Variants in ARHGAP8 observed in about 807,000 individuals in gnomAD.
ARHGAP8 encodes Rho GTPase activating protein 8, also known as rho GTPase-activating protein 8.
Under a neutral mutation model 46.1 loss-of-function variants are expected in ARHGAP8, and 62 were observed. The ratio of observed to expected loss-of-function variants is 1.34; its 90% CI spans 1.10 to 1.66. The LOEUF (loss-of-function observed/expected upper bound fraction) is 1.66, where lower values mean the gene tolerates loss of function less well. Ranked by LOEUF, ARHGAP8 falls within the 40% of genes most tolerant of loss-of-function variation. The pLI is 0.00. For missense variants in ARHGAP8, 923 were observed against 568.4 expected (o/e 1.62, Z -6.34); for synonymous variants, 375 against 243.1 (o/e 1.54, Z -5.05).
At position 44,847,965 on chromosome 22, in the gene ARHGAP8, T is replaced by C; in HGVS notation, c.671-8T>C. On this transcript the variant is annotated splice_polypyrimidine_tract_variant and splice_region_variant and intron_variant, in intron 8 of 11. Coordinates refer to ENST00000356099, the MANE Select transcript of ARHGAP8 (RefSeq NM_181335.3). ...CCTGTGAGATGCCTGGAAGCTCCTC[T>C]CCTGCAGGCCTGCGCACCGAGGGCC... is the stretch of plus-strand genomic sequence containing the variant. 2 of 1,606,722 alleles carry C rather than the reference T, an allele frequency of 1.2e-6. No homozygotes were observed. Among genetic ancestry groups the C allele is most frequent in the Non-Finnish European group, 1.7e-6 (2 of 1,179,866 alleles).
At chr22:44,796,634 A>T (rs114995185) in intron 2 of ARHGAP8, among the ~76,000 whole-genome samples, 257 of 152,106 alleles carry the variant, frequency 1.7e-3, no homozygotes, top group African/African-American at 5.9e-3. Flanking sequence ...CCAGTTGGTG[A>T]TGCTATGATG....
chr22:44,837,376 C>G (rs530570492), intron 7 of ARHGAP8, among the ~76,000 whole-genome samples: 19 of 152,326 alleles, frequency 1.2e-4, no homozygotes, highest in African/African-American at 4.6e-4. Flanking sequence ...GTGGGAGTCA[C>G]TGGCCACAGA....
At chr22:44,808,459 A>G (rs565400046) in intron 4 of ARHGAP8, 21 bp downstream of exon 4, 2 of 1,612,692 alleles carry the variant, frequency 1.2e-6, no homozygotes, top group East Asian at 2.2e-5. Context: ...GCAAGCCTTC[A>G]GGGACGTGGG....
intron 10 of ARHGAP8, among the ~76,000 whole-genome samples, chr22:44,857,653 C>T (rs549176161): frequency 2.0e-5 from 3 of 152,190 alleles, no homozygotes; most frequent in African/African-American, 7.2e-5. Flanking sequence ...GAGTTTGCCC[C>T]TTCCCTCTGG....
At chr22:44,806,170 C>T (rs1053247077) in intron 3 of ARHGAP8, among the ~76,000 whole-genome samples, 1 of 152,256 alleles carries the variant, frequency 6.6e-6, no homozygotes, top group South Asian at 2.1e-4. Context: ...CTCAGTGGTT[C>T]GTGGACTCTT....
rs993701101 is a variant in ARHGAP8, at chr22:44,804,741, G to A, written c.167+2577G>A. Reference sequence around the variant, plus strand: ...ACTCAAGATGAACAAAGGCATGATCGGACATAGAAGCACCCAGAAGACTTT... The same window carrying A: ...ACTCAAGATGAACAAAGGCATGATCAGACATAGAAGCACCCAGAAGACTTT... On this transcript the variant is annotated intron_variant, in intron 3 of 11. Transcript: ENST00000356099. Among the ~76,000 whole-genome samples the A allele has an allele frequency of 3.3e-5, 5 of 152,096 alleles. No individual in the cohort carries two copies. In the East Asian group the frequency reaches 9.7e-4, roughly 29 times the overall value.
intron 4 of ARHGAP8, among the ~76,000 whole-genome samples, chr22:44,813,397 CCCACA>C (rs1929485516): frequency 7.1e-6 from 1 of 141,292 alleles, no homozygotes; most frequent in Non-Finnish European, 1.5e-5. Context: ...AGTACATACA[CCCACA>C]TACAGACACC....
At chr22:44,830,581 G>A (rs935829180) in intron 7 of ARHGAP8, among the ~76,000 whole-genome samples, 4 of 151,728 alleles carry the variant, frequency 2.6e-5, no homozygotes, top group Non-Finnish European at 5.9e-5. Context: ...CTGTCACCCA[G>A]GCTGGAGTGC....
chr22:44,790,268 G>A (rs1274687339), intron 2 of ARHGAP8, among the ~76,000 whole-genome samples: 1 of 152,020 alleles, frequency 6.6e-6, no homozygotes, highest in African/African-American at 2.4e-5. Context: ...TTTGAGAGAT[G>A]TTTTTAAAAA....
intron 5 of ARHGAP8, among the ~76,000 whole-genome samples, chr22:44,819,847 T>C (rs930702041): frequency 2.6e-5 from 4 of 152,120 alleles, no homozygotes; most frequent in African/African-American, 7.2e-5. Context: ...AGTCGCACCA[T>C]GAGAGGGGGC....
At chr22:44,822,786 A>G (rs1221703301) in intron 6 of ARHGAP8, among the ~76,000 whole-genome samples, 1 of 152,216 alleles carries the variant, frequency 6.6e-6, no homozygotes, top group East Asian at 1.9e-4. Flanking sequence ...TTTTGAGCAG[A>G]AAATTAGGAG....
At position 44,827,526 on chromosome 22, in the gene ARHGAP8, A is replaced by G. The variant is rs567172891; in HGVS notation, c.596+1933A>G. 6.5e-4 allele frequency among the ~76,000 whole-genome samples: 99 copies of G among 151,828 alleles called. 1 individual carries two copies. Among genetic ancestry groups the G allele is most frequent in the Non-Finnish European group, 7.4e-5 (5 of 67,896 alleles). ...CCTGGCTAATGTTTGTATTTTTAGT[A>G]GAAACGGGGTTTCACCATGTTGGCC... On this transcript the variant is annotated intron_variant, in intron 7 of 11. Transcript: ENST00000356099.
At chr22:44,798,465 A>G (rs994983036) in intron 2 of ARHGAP8, among the ~76,000 whole-genome samples, 16 of 151,700 alleles carry the variant, frequency 1.1e-4, no homozygotes, top group African/African-American at 3.9e-4. Flanking sequence ...CTTGATCCTT[A>G]GCTAATTAGA....
At chr22:44,817,296 A>G (rs1602219529) in intron 5 of ARHGAP8, among the ~76,000 whole-genome samples, 1 of 152,168 alleles carries the variant, frequency 6.6e-6, no homozygotes, top group Non-Finnish European at 1.5e-5. Flanking sequence ...CTCCTGCTTA[A>G]TAGAAGGAGA....
chr22:44,800,507 G>T (rs1043055720), intron 2 of ARHGAP8, among the ~76,000 whole-genome samples: 1 of 151,982 alleles, frequency 6.6e-6, no homozygotes, highest in African/African-American at 2.4e-5. Flanking sequence ...ACCCCTCCCC[G>T]CAGCTGTCCA....
chr22:44,810,236 CTTTTTTTTTTTTT>C lies in ARHGAP8; in HGVS notation c.299+1809_299+1821del, dbSNP rs58029838. The stretch of plus-strand genomic sequence containing the variant: ...TGGGAAAGGATCTGCATATGGCAGC[CTTTTTTTTTTTTT>C]TTTTTTTTTTGAGACAGAGTCTCAT... On this transcript the variant is annotated intron_variant, in intron 4 of 11. Coordinates refer to ENST00000356099, the MANE Select transcript of ARHGAP8 (RefSeq NM_181335.3). Among the ~76,000 whole-genome samples the C allele has an allele frequency of 2.6e-4, 26 of 98,878 alleles. 1 individual carries two copies. Among genetic ancestry groups the C allele is most frequent in the African/African-American group, 9.7e-4 (24 of 24,682 alleles). 64.9% of individuals were successfully genotyped at this position (98,878 alleles called of 152,430 possible).
chr22:44,853,447 C>T (rs943158836), intron 10 of ARHGAP8, among the ~76,000 whole-genome samples: 2 of 152,106 alleles, frequency 1.3e-5, no homozygotes, highest in Admixed American at 6.6e-5. Flanking sequence ...TAGCTTGGAG[C>T]GTCGTAGCCA....
chr22:44,784,002 C>T (rs910473891), intron 1 of ARHGAP8, among the ~76,000 whole-genome samples: 4 of 152,188 alleles, frequency 2.6e-5, no homozygotes, highest in Admixed American at 2.6e-4. Context: ...AAGGATGCAA[C>T]CAGCTGCAAA....
At chr22:44,774,170 C>G (rs1926246177) in intron 1 of ARHGAP8, among the ~76,000 whole-genome samples, 1 of 152,194 alleles carries the variant, frequency 6.6e-6, no homozygotes, top group Non-Finnish European at 1.5e-5. Context: ...AACTCCAAGT[C>G]TTATGCCTTT....
Sources: gnomAD v4.1 joint callset for allele counts (sites outside exome capture counted in the v4.1 genomes callset) on GRCh38, gnomAD v4.1.1 for gene constraint, MANE v1.5 for transcripts, NCBI Gene and HGNC (gene_info 2026-07-23, HGNC 2026-07-21) for gene names.